NBEA: variants seen among roughly 807,000 people sequenced by gnomAD.
The protein encoded by NBEA is neurobeachin.
Under a neutral mutation model 343.4 loss-of-function variants are expected in NBEA, and 44 were observed. That is an observed-to-expected ratio of 0.13 (90% CI 0.10 to 0.16). The LOEUF (loss-of-function observed/expected upper bound fraction) is 0.16. NBEA is among the 10% of genes least tolerant of loss of function. The probability of loss-of-function intolerance (pLI) is 1.00; values close to 1 mark genes in which losing one functional copy is unlikely to be tolerated. For synonymous variants in NBEA, 1,175 were observed against 1,238.7 expected (o/e 0.95, Z 1.08); for missense variants, 2,555 against 3,631.3 (o/e 0.70, Z 7.62).
At chr13:35,607,106 G>A (rs1048056676) in intron 48 of NBEA, among the ~76,000 whole-genome samples, 1 of 152,170 alleles carries the variant, frequency 6.6e-6, no homozygotes, top group African/African-American at 2.4e-5. Context: ...CTGGAGTGAA[G>A]TGGTGCAATC....
At chr13:35,420,504 G>A (rs1167260550) in intron 38 of NBEA, among the ~76,000 whole-genome samples, 3 of 151,722 alleles carry the variant, frequency 2.0e-5, no homozygotes, top group African/African-American at 4.8e-5. Flanking sequence ...TTTGGTTTTT[G>A]TATCAGGGTG....
intron 41 of NBEA, among the ~76,000 whole-genome samples, chr13:35,515,785 G>A (rs2077464091): frequency 6.7e-6 from 1 of 148,938 alleles, no homozygotes; most frequent in Admixed American, 6.7e-5. Context: ...TTTTCTCTTT[G>A]TTAAATGAAG....
chr13:35,072,853 A>G (rs981668807), intron 10 of NBEA, among the ~76,000 whole-genome samples: 1 of 152,142 alleles, frequency 6.6e-6, no homozygotes, highest in African/African-American at 2.4e-5. Flanking sequence ...GAGAGCCACT[A>G]TGCCTGGCCC....
Position 35,550,965 on chromosome 13 carries a change from G to A in NBEA, c.6739G>A (p.Val2247Ile). The A allele has an allele frequency of 6.2e-7, 1 of 1,611,076 alleles. No homozygotes were observed. The highest frequency in any genetic ancestry group is 8.5e-7 in the Non-Finnish European group (1 of 1,177,872). Residue 2247 changes from valine to isoleucine, a missense_variant, in exon 43 of 59, where the codon GTA becomes ATA. By Grantham distance (29) the Val-to-Ile change is conservative (BLOSUM62 3). Transcript: ENST00000379939. ...GTTTAATTTCCCTGATCAAGCAACA[G>A]TAAAAAAAGTTGTCTATAGCTTGCC... Reference protein sequence around the residue: ...VMFNFPDQATVKKVVYSLPRV... With the variant: ...VMFNFPDQATIKKVVYSLPRV...
At chr13:35,468,657 T>C (rs567485925) in intron 40 of NBEA, among the ~76,000 whole-genome samples, 3 of 152,184 alleles carry the variant, frequency 2.0e-5, no homozygotes, top group East Asian at 3.9e-4. Flanking sequence ...ATGGTACTTA[T>C]TGTTGTCAGT....
chr13:35,388,223 G>A (rs1397542627), intron 38 of NBEA, among the ~76,000 whole-genome samples: 1 of 152,052 alleles, frequency 6.6e-6, no homozygotes, highest in African/African-American at 2.4e-5. Context: ...TTTGACGATA[G>A]GTGGAATAAT....
At chr13:35,237,248 C>A (rs138030285) in intron 34 of NBEA, among the ~76,000 whole-genome samples, 25 of 152,124 alleles carry the variant, frequency 1.6e-4, no homozygotes, top group African/African-American at 5.8e-4. Flanking sequence ...GAGACCCTGT[C>A]GCTAAAAAGA....
intron 36 of NBEA, among the ~76,000 whole-genome samples, chr13:35,331,700 T>G (rs2038935636): frequency 6.6e-6 from 1 of 152,068 alleles, no homozygotes; most frequent in South Asian, 2.1e-4. Flanking sequence ...TCTATTCCAT[T>G]TTGAATAGGA....
At chr13:35,579,559 A>G (rs2080911181) in intron 45 of NBEA, among the ~76,000 whole-genome samples, 1 of 152,164 alleles carries the variant, frequency 6.6e-6, no homozygotes, top group Non-Finnish European at 1.5e-5. Flanking sequence ...ATGCAGAAAT[A>G]CACATCAAAT....
intron 41 of NBEA, among the ~76,000 whole-genome samples, chr13:35,537,854 C>T (rs939551022): frequency 3.3e-5 from 5 of 152,182 alleles, no homozygotes; most frequent in African/African-American, 7.2e-5. Context: ...CTGTTGTGTG[C>T]ACCACTAACC....
chr13:35,215,351 A>G (rs545298496), intron 33 of NBEA, among the ~76,000 whole-genome samples: 2 of 151,492 alleles, frequency 1.3e-5, no homozygotes, highest in South Asian at 4.2e-4. Context: ...ACTTATTTTT[A>G]TGTCTTTTTA....
chr13:35,114,009 T>G (rs112718403), intron 13 of NBEA, among the ~76,000 whole-genome samples: 1 of 152,190 alleles, frequency 6.6e-6, no homozygotes, highest in Non-Finnish European at 1.5e-5. Context: ...TGAAACAAGA[T>G]GTTTCTGACT....
intron 55 of NBEA, among the ~76,000 whole-genome samples, chr13:35,659,687 G>A (rs2084979333): frequency 6.6e-6 from 1 of 152,140 alleles, no homozygotes; most frequent in African/African-American, 2.4e-5. Flanking sequence ...TCTACCTAGT[G>A]CAGGTTAGAG....
chr13:34,958,632 T>G (rs1450913478), intron 1 of NBEA, among the ~76,000 whole-genome samples: 1 of 151,424 alleles, frequency 6.6e-6, no homozygotes, highest in Non-Finnish European at 1.5e-5. Context: ...GAGGTGCTTT[T>G]GGTTTTTACT....
Position 35,301,849 on chromosome 13 carries a change from TG to T in NBEA, c.5839-7678del, listed in dbSNP as rs201022425. The stretch of plus-strand genomic sequence containing the variant: ...GCTCTGCATCCTCGCCAGCATCTGT[TG>T]CTTCCAGACTTTTTAATGATCGCCA... On this transcript the variant is annotated intron_variant, in intron 35 of 58. Transcript: ENST00000379939. Among the ~76,000 whole-genome samples the T allele has an allele frequency of 4.2e-3, 633 of 152,300 alleles. 6 individuals are homozygous for T. The highest frequency in any genetic ancestry group is 0.014 in the African/African-American group (590 of 41,578).
At chr13:35,149,318 C>T (rs1593513347) in intron 18 of NBEA, among the ~76,000 whole-genome samples, 1 of 152,028 alleles carries the variant, frequency 6.6e-6, no homozygotes, top group East Asian at 1.9e-4. Context: ...TTATTGGGCA[C>T]TTCTTATGAC....
chr13:35,178,408 T>G (rs2071063318), intron 28 of NBEA, among the ~76,000 whole-genome samples: 1 of 151,692 alleles, frequency 6.6e-6, no homozygotes, highest in African/African-American at 2.4e-5. Flanking sequence ...CTTGGCGTAG[T>G]CATTCAGCAG....
At chr13:35,149,635 T>C (rs1461507156) in intron 18 of NBEA, among the ~76,000 whole-genome samples, 2 of 152,164 alleles carry the variant, frequency 1.3e-5, no homozygotes, top group Non-Finnish European at 2.9e-5. Flanking sequence ...GTTTATGTTT[T>C]GATTTTTTGG....
intron 34 of NBEA, among the ~76,000 whole-genome samples, chr13:35,249,670 T>A (rs1430982364): frequency 1.3e-5 from 2 of 152,190 alleles, no homozygotes; most frequent in East Asian, 1.9e-4. Context: ...TATGGCATTT[T>A]GTCAGAAAAT....
Sources: gnomAD v4.1 joint callset for allele counts (sites outside exome capture counted in the v4.1 genomes callset) on GRCh38, gnomAD v4.1.1 for gene constraint, MANE v1.5 for transcripts, NCBI Gene and HGNC (gene_info 2026-07-23, HGNC 2026-07-21) for gene names.